The following GALNT17 variants were observed in gnomAD, a reference collection of about 807,000 sequenced individuals.
GALNT17 encodes the protein UDP-GalNAc:polypeptide N-acetylgalactosaminyltransferase-like 3.
In GALNT17, 29 loss-of-function variants were observed where a neutral mutation model predicts 63.7. The observed-to-expected ratio is 0.46, with a 90% CI of 0.34 to 0.62. The LOEUF (loss-of-function observed/expected upper bound fraction) is 0.62, where lower values mean the gene tolerates loss of function less well. GALNT17 is among the 20% of genes least tolerant of loss of function. The pLI is 0.01. For synonymous variants in GALNT17, 305 were observed against 318.3 expected (o/e 0.96, Z 0.45); for missense variants, 603 against 799.6 (o/e 0.75, Z 2.97).
chr7:71,184,993 TTC>T lies in GALNT17; in HGVS notation c.238+51954_238+51955del, dbSNP rs1562894891. Among the ~76,000 whole-genome samples the T allele has an allele frequency of 1.7e-4, 21 of 126,218 alleles. 1 individual carries two copies. Among genetic ancestry groups the T allele is most frequent in the African/African-American group, 6.5e-4 (19 of 29,054 alleles). 82.8% of individuals were successfully genotyped at this position (126,218 alleles called of 152,430 possible). A position where few individuals can be genotyped will look rare whatever the true frequency, so the allele number is the denominator to read the frequency against. ...CTTCCTTCCTTCCTTCCTTCCTTCC[TTC>T]CTTCTTCCTTCCCTCCCTCCCTCCT... On this transcript the variant is annotated intron_variant, in intron 1 of 10. Coordinates refer to ENST00000333538, the MANE Select transcript of GALNT17 (RefSeq NM_022479.3).
chr7:71,679,497 C>G, intron 9 of GALNT17, among the ~76,000 whole-genome samples: 1 of 152,318 alleles, frequency 6.6e-6, no homozygotes, highest in Non-Finnish European at 1.5e-5. Flanking sequence ...GTAACACAGG[C>G]AGCTGGTATG....
At chr7:71,484,952 C>T (rs1287321976) in intron 5 of GALNT17, among the ~76,000 whole-genome samples, 6 of 146,462 alleles carry the variant, frequency 4.1e-5, no homozygotes, top group Non-Finnish European at 9.0e-5. Flanking sequence ...GCATGGGCCA[C>T]CACACCTGGC....
At chr7:71,535,399 T>C (rs1788787773) in intron 5 of GALNT17, among the ~76,000 whole-genome samples, 1 of 152,138 alleles carries the variant, frequency 6.6e-6, no homozygotes, top group Non-Finnish European at 1.5e-5. Flanking sequence ...ATGCAGCCCT[T>C]TGTTTGCTGT....
rs189626020 is a variant in GALNT17 at position 71,281,145 on chromosome 7, G to A, written c.239-54405G>A. 5.3e-5 allele frequency among the ~76,000 whole-genome samples: 8 copies of A among 152,260 alleles called. No homozygotes were observed. The East Asian group carries it at 1.5e-3, about 29-fold the overall frequency. On this transcript the variant is annotated intron_variant, in intron 1 of 10. Transcript: ENST00000333538. ...CAGAGGTAGAAGAAACCAAAAGCGGGCCCAGTTGAAATAAACACAGTGTTA... is the reference window on the plus strand; with the variant it reads ...CAGAGGTAGAAGAAACCAAAAGCGGACCCAGTTGAAATAAACACAGTGTTA...
chr7:71,140,760 G>A (rs781484049), intron 1 of GALNT17, among the ~76,000 whole-genome samples: 11 of 152,186 alleles, frequency 7.2e-5, no homozygotes, highest in Non-Finnish European at 1.0e-4. Context: ...AGTGGCTCAC[G>A]CCTGTAATCC....
At chr7:71,665,051 C>T (rs1357585264) in intron 6 of GALNT17, among the ~76,000 whole-genome samples, 2 of 152,138 alleles carry the variant, frequency 1.3e-5, no homozygotes, top group African/African-American at 4.8e-5. Flanking sequence ...TATCTCAGCT[C>T]ACTGCAACCT....
intron 6 of GALNT17, among the ~76,000 whole-genome samples, chr7:71,648,465 G>A (rs145429287): frequency 1.1e-4 from 17 of 152,002 alleles, no homozygotes; most frequent in African/African-American, 4.1e-4. Context: ...TTGTAGAGAC[G>A]GGGTCTTGTT....
At chr7:71,471,412 A>C (rs1385477814) in intron 5 of GALNT17, among the ~76,000 whole-genome samples, 2 of 149,306 alleles carry the variant, frequency 1.3e-5, no homozygotes, top group South Asian at 2.1e-4. Flanking sequence ...AAAAAAAAAA[A>C]AACAAAAAAA....
chr7:71,368,414 A>G (rs1792554865), intron 2 of GALNT17, among the ~76,000 whole-genome samples: 1 of 151,836 alleles, frequency 6.6e-6, no homozygotes, highest in African/African-American at 2.4e-5. Flanking sequence ...TTTTTTTCCT[A>G]GAGAGTTTTT....
rs1168881858 is a variant in GALNT17 at position 71,712,195 on chromosome 7, C to T, written c.*49C>T. On this transcript the variant is annotated 3_prime_UTR_variant, in exon 11 of 11. Transcript: ENST00000333538. ...GCCTGGCCCCCAGGACATGGCTGCT[C>T]CCCCCAACATCTGGACCAGCTGCCC... 2 of 1,583,206 alleles carry T rather than the reference C, an allele frequency of 1.3e-6. No individual in the cohort carries two copies. Among genetic ancestry groups the T allele is most frequent in the Non-Finnish European group, 1.7e-6 (2 of 1,165,078 alleles).
intron 5 of GALNT17, among the ~76,000 whole-genome samples, chr7:71,516,594 G>A (rs1016762365): frequency 3.3e-5 from 5 of 152,302 alleles, no homozygotes; most frequent in East Asian, 1.9e-4. Flanking sequence ...AGGGGTGCAG[G>A]TATACATCTT....
chr7:71,482,133 C>A (rs1256727218), intron 5 of GALNT17, among the ~76,000 whole-genome samples: 5 of 118,256 alleles, frequency 4.2e-5, no homozygotes, highest in East Asian at 1.1e-3. Flanking sequence ...TCATGCATTG[C>A]ATAATGACAA....
In GALNT17 at chr7:71,132,393, G is replaced by A. The variant is rs1471921003; in HGVS notation, c.-410G>A. On this transcript the variant is annotated 5_prime_UTR_variant, in exon 1 of 11. Transcript: ENST00000333538. ...CGATCCCTGAGTCCGGCACCTGTGCGCCGCTCCCTCTGTGCCTCCCGGGCA... is the reference window on the plus strand; with the variant it reads ...CGATCCCTGAGTCCGGCACCTGTGCACCGCTCCCTCTGTGCCTCCCGGGCA... The A allele has an allele frequency of 6.5e-6, 1 of 154,536 alleles. No individual in the cohort carries two copies. The highest frequency in any genetic ancestry group is 1.4e-5 in the Non-Finnish European group (1 of 69,786). The allele number at this position is 154,536 out of a possible 1,614,324, so 9.6% of individuals were successfully genotyped here.
intron 1 of GALNT17, among the ~76,000 whole-genome samples, chr7:71,261,674 G>A (rs1308378110): frequency 6.6e-6 from 1 of 152,194 alleles, no homozygotes; most frequent in Non-Finnish European, 1.5e-5. Flanking sequence ...GCCTGGCAGG[G>A]GGCTTGCCCT....
In GALNT17 at chr7:71,410,532, C is replaced by T. The variant is rs186882723; in HGVS notation, c.590-5357C>T. On this transcript the variant is annotated intron_variant, in intron 3 of 10. Coordinates refer to ENST00000333538, the MANE Select transcript of GALNT17 (RefSeq NM_022479.3). ...AAGTGCTGGGATTATAGGTGTGAGC[C>T]ATCACACCCAGCCTCCTGATTAATT... Among the ~76,000 whole-genome samples, 4 of 152,302 alleles carry T rather than the reference C, an allele frequency of 2.6e-5. No homozygotes were observed. The East Asian group carries it at 7.7e-4, about 29-fold the overall frequency.
intron 5 of GALNT17, among the ~76,000 whole-genome samples, chr7:71,555,770 C>T (rs949782813): frequency 5.9e-5 from 9 of 152,318 alleles, no homozygotes; most frequent in African/African-American, 2.2e-4. Flanking sequence ...CAGCAGTGAG[C>T]CCCACGGCTT....
At position 71,132,983 on chromosome 7, in the gene GALNT17, G is replaced by A. The variant is rs753079718; in HGVS notation, c.181G>A (p.Asp61Asn). 1.7e-5 allele frequency: 27 copies of A among 1,608,468 alleles called. No homozygotes were observed. Among genetic ancestry groups the A allele is most frequent in the Admixed American group, 1.7e-5 (1 of 59,872 alleles). Residue 61 changes from aspartate (D) to asparagine (N), a missense_variant, in exon 1 of 11, where the codon GAT (aspartate) becomes AAT (asparagine). By Grantham distance (23) the Asp-to-Asn change is conservative. Coordinates refer to ENST00000333538, the MANE Select transcript of GALNT17 (RefSeq NM_022479.3). Reference protein sequence around the residue: ...LSAHSASPIQDAVLKRLSLLE... With the variant: ...LSAHSASPIQNAVLKRLSLLE... ...CGCGCACAGCGCCAGCCCCATCCAG[G>A]ATGCGGTCCTGAAGCGCCTGTCGCT... is the stretch of plus-strand genomic sequence containing the variant.
At chr7:71,614,577 A>T (rs768806060) in intron 6 of GALNT17, among the ~76,000 whole-genome samples, 16 of 151,612 alleles carry the variant, frequency 1.1e-4, no homozygotes, top group Non-Finnish European at 1.5e-4. Context: ...CAGTGATCAC[A>T]CTGTTGCACT....
intron 5 of GALNT17, among the ~76,000 whole-genome samples, chr7:71,539,709 T>TTTC (rs1788856676): frequency 1.1e-5 from 1 of 92,802 alleles, no homozygotes; most frequent in Non-Finnish European, 2.1e-5. Flanking sequence ...AGTCCCACCT[T>TTTC]TTTTTTTTTT....
Sources: allele counts gnomAD v4.1 joint callset (sites outside exome capture counted in the v4.1 genomes callset), GRCh38; gene constraint gnomAD v4.1.1; transcripts MANE v1.5; gene names NCBI Gene and HGNC (gene_info 2026-07-23, HGNC 2026-07-21).